The following KLHL3 variants were observed in gnomAD, a reference collection of about 807,000 sequenced individuals.
KLHL3 encodes the protein kelch like family member 3.
KLHL3 carries 19 observed loss-of-function variants against 70.5 expected under a neutral mutation model. That is an observed-to-expected ratio of 0.27 (90% CI 0.19 to 0.40). The LOEUF (loss-of-function observed/expected upper bound fraction) is 0.40, where lower values mean the gene tolerates loss of function less well. KLHL3 is among the 10% of genes least tolerant of loss of function. The pLI is 1.00. For synonymous variants in KLHL3, 258 were observed against 290.3 expected, an observed-to-expected ratio of 0.89 and a Z score of 1.13; for missense variants, 512 against 771.1, an observed-to-expected ratio of 0.66 and a Z score of 3.98.
In KLHL3 at chr5:137,677,586, A is replaced by G. The variant is rs1751915947; in HGVS notation, c.595T>C (p.Leu199=). The change falls in exon 6 of 15, where the codon TTG becomes CTG. Residue 199 remains leucine (L), a synonymous_variant. Transcript: ENST00000309755. ...ACGGTCAGCTTGTCGCTGGATATCA[A>G]GCTGCACACCTGGTCCAGACTCAGG... ...LSLSLDQVCS[L]ISSDKLTVSS... 6.2e-7 allele frequency: 1 copy of G among 1,610,574 alleles called. No individual in the cohort carries two copies. Among genetic ancestry groups the G allele is most frequent in the Non-Finnish European group, 8.5e-7 (1 of 1,178,450 alleles).
chr5:137,635,531 T>C (rs1750745739), intron 11 of KLHL3, among the ~76,000 whole-genome samples: 1 of 152,180 alleles, frequency 6.6e-6, no homozygotes. Flanking sequence ...TGTGATTTCC[T>C]CCATTTTTTT....
At chr5:137,678,580 T>C (rs532929881) in intron 5 of KLHL3, among the ~76,000 whole-genome samples, 3 of 152,314 alleles carry the variant, frequency 2.0e-5, no homozygotes, top group South Asian at 2.1e-4. Context: ...CTCGGCCTCC[T>C]GAATAGCTGG....
chr5:137,640,440 T>A (rs1262876583), intron 8 of KLHL3, among the ~76,000 whole-genome samples: 4 of 152,172 alleles, frequency 2.6e-5, no homozygotes, highest in African/African-American at 9.7e-5. Flanking sequence ...AGAAAAAAAT[T>A]GAAAAACTCC....
chr5:137,699,428 T>C (rs2905617), intron 3 of KLHL3, among the ~76,000 whole-genome samples: 118,809 of 151,956 alleles, frequency 0.78, 46,676 homozygotes, highest in East Asian at 0.98. Context: ...TGTAGCACCA[T>C]TGAGAGGTTT....
At chr5:137,728,723 G>A (rs967987712) in intron 1 of KLHL3, among the ~76,000 whole-genome samples, 1 of 152,126 alleles carries the variant, frequency 6.6e-6, no homozygotes, top group African/African-American at 2.4e-5. Flanking sequence ...CTCCAAGCAG[G>A]CTGATTGTGC....
chr5:137,705,924 C>A lies in KLHL3; in HGVS notation c.241+3826G>T, dbSNP rs1752676113. On this transcript the variant is annotated intron_variant, in intron 3 of 14. Coordinates refer to ENST00000309755, the MANE Select transcript of KLHL3 (RefSeq NM_017415.3). Reference sequence around the variant, plus strand: ...TTATAGGAAAAAGATGGGCAGAACACAGCACTACTGGCCTCCCCACTCAAG... The same window carrying A: ...TTATAGGAAAAAGATGGGCAGAACAAAGCACTACTGGCCTCCCCACTCAAG... 8 of 676,212 alleles carry A rather than the reference C, an allele frequency of 1.2e-5. No individual in the cohort carries two copies. The South Asian group carries it at 5.3e-4, about 45-fold the overall frequency. The allele number at this position is 676,212 out of a possible 1,614,324, so 41.9% of individuals were successfully genotyped here.
Position 137,621,928 on chromosome 5 carries a change from T to C in KLHL3, c.*170A>G, listed in dbSNP as rs1158092668. On this transcript the variant is annotated 3_prime_UTR_variant, in exon 15 of 15. Transcript: ENST00000309755. ...ACCTCAGGGGAACGGGGGTGGGTAATGGTGTCCACACTGCGATGAACAACA... is the reference window on the plus strand; with the variant it reads ...ACCTCAGGGGAACGGGGGTGGGTAACGGTGTCCACACTGCGATGAACAACA... 2 of 714,850 alleles carry C rather than the reference T, an allele frequency of 2.8e-6. No individual in the cohort carries two copies. Among genetic ancestry groups the C allele is most frequent in the South Asian group, 1.7e-5 (1 of 59,532 alleles). The allele number at this position is 714,850 out of a possible 1,614,324, so 44.3% of individuals were successfully genotyped here.
intron 3 of KLHL3, among the ~76,000 whole-genome samples, chr5:137,700,416 C>A (rs1752542295): frequency 1.3e-5 from 2 of 152,136 alleles, no homozygotes; most frequent in Admixed American, 1.3e-4. Context: ...GCCCTCACAG[C>A]AGTGTAAATC....
In KLHL3 at chr5:137,639,727, G is replaced by T; in HGVS notation, c.1021+133C>A. 2.7e-5 allele frequency: 13 copies of T among 480,848 alleles called. No individual in the cohort carries two copies. Among genetic ancestry groups the T allele is most frequent in the Middle Eastern group, 5.1e-4 (1 of 1,960 alleles). The allele number at this position is 480,848 out of a possible 1,614,324, so 29.8% of individuals were successfully genotyped here. On this transcript the variant is annotated intron_variant, in intron 9 of 14. Coordinates refer to ENST00000309755, the MANE Select transcript of KLHL3 (RefSeq NM_017415.3). The surrounding 1 kb of genome is among the most constrained non-coding windows in gnomAD (Gnocchi z 5.0). ...GACAACAACCAAAAAAAAAAAAAAA[G>T]TGTGCAGGAGGGAAACGAATGGGAG...
rs957932069 is a variant in KLHL3 at position 137,712,083 on chromosome 5, C to G, written c.135-2227G>C. ...TGAGGCATGAGAATCGCTTGAAACC[C>G]AGGAGGCAGAGGTTGCTGTGGGCCA... On this transcript the variant is annotated intron_variant, in intron 2 of 14. Transcript: ENST00000309755. Among the ~76,000 whole-genome samples the G allele has an allele frequency of 2.8e-5, 4 of 145,106 alleles. No individual in the cohort carries two copies. The South Asian group carries it at 8.6e-4, about 31-fold the overall frequency.
At chr5:137,636,851 G>A (rs1312877234) in intron 11 of KLHL3, among the ~76,000 whole-genome samples, 1 of 152,182 alleles carries the variant, frequency 6.6e-6, no homozygotes, top group Non-Finnish European at 1.5e-5. Flanking sequence ...TCAGACCTAA[G>A]AAGAGGTGCC....
chr5:137,716,614 A>G (rs1451725788), intron 2 of KLHL3, among the ~76,000 whole-genome samples: 1 of 152,216 alleles, frequency 6.6e-6, no homozygotes, highest in Non-Finnish European at 1.5e-5. Context: ...GCACATGTGC[A>G]ATTGAGGTTC....
At chr5:137,660,029 C>T (rs1486831679) in intron 7 of KLHL3, among the ~76,000 whole-genome samples, 1 of 152,116 alleles carries the variant, frequency 6.6e-6, no homozygotes, top group African/African-American at 2.4e-5. Context: ...CATCAGCCAT[C>T]CCAGCAATTA....
chr5:137,638,826 T>G, intron 10 of KLHL3, 127 bp downstream of exon 10: 1 of 849,088 alleles, frequency 1.2e-6, no homozygotes. Flanking sequence ...GGAAGAAGAG[T>G]GGATATGTCC....
At chr5:137,665,005 T>C (rs35533975) in intron 6 of KLHL3, among the ~76,000 whole-genome samples, 3,200 of 152,266 alleles carry the variant, frequency 0.021, 60 homozygotes, top group Non-Finnish European at 0.031. Flanking sequence ...ATATTCCTGA[T>C]TGTGATTTAA....
chr5:137,690,007 T>C (rs1752277516), intron 5 of KLHL3, among the ~76,000 whole-genome samples: 1 of 152,214 alleles, frequency 6.6e-6, no homozygotes, highest in Non-Finnish European at 1.5e-5. Flanking sequence ...ACTCTCCCTT[T>C]GCCACTGCAC....
intron 6 of KLHL3, among the ~76,000 whole-genome samples, chr5:137,670,888 G>A (rs1382398636): frequency 1.3e-5 from 2 of 150,462 alleles, no homozygotes; most frequent in African/African-American, 2.4e-5. Flanking sequence ...CAGGAGAAAC[G>A]CTTGAACCTG....
At chr5:137,678,455 G>C (rs1023363822) in intron 5 of KLHL3, among the ~76,000 whole-genome samples, 8 of 152,270 alleles carry the variant, frequency 5.3e-5, no homozygotes, top group African/African-American at 1.9e-4. Context: ...CAGAAAGAAG[G>C]AGCCTAGGTT....
intron 10 of KLHL3, among the ~76,000 whole-genome samples, chr5:137,637,837 G>T (rs1750808975): frequency 6.6e-6 from 1 of 152,190 alleles, no homozygotes; most frequent in Non-Finnish European, 1.5e-5. Flanking sequence ...TGAGACCTAA[G>T]CAGAAGTCTA....
Sources: allele counts gnomAD v4.1 joint callset (sites outside exome capture counted in the v4.1 genomes callset), GRCh38; gene constraint gnomAD v4.1.1; non-coding constraint Gnocchi (gnomAD v3.1); transcripts MANE v1.5; gene names NCBI Gene and HGNC (gene_info 2026-07-23, HGNC 2026-07-21).